The following CNTNAP2 variants were observed in gnomAD, a reference collection of about 807,000 sequenced individuals.
The protein encoded by CNTNAP2 is contactin associated protein 2.
Under a neutral mutation model 155.2 loss-of-function variants are expected in CNTNAP2, and 98 were observed. The ratio of observed to expected loss-of-function variants is 0.63; its 90% CI spans 0.54 to 0.75. The LOEUF (loss-of-function observed/expected upper bound fraction) is 0.75. Among genes scored for constraint, CNTNAP2 ranks in the 30% least tolerant of loss-of-function variants. The pLI is 0.00. For missense variants in CNTNAP2, 1,727 were observed against 1,688.1 expected (o/e 1.02, Z -0.40); for synonymous variants, 651 against 631.2 (o/e 1.03, Z -0.47).
intron 13 of CNTNAP2, among the ~76,000 whole-genome samples, chr7:147,687,378 A>T (rs1413799999): frequency 6.6e-6 from 1 of 152,146 alleles, no homozygotes; most frequent in Admixed American, 6.6e-5. Context: ...GTCTGTGAAT[A>T]TTGTGATGAA....
At chr7:147,352,457 T>G (rs1027344526) in intron 9 of CNTNAP2, among the ~76,000 whole-genome samples, 2 of 152,008 alleles carry the variant, frequency 1.3e-5, no homozygotes, top group African/African-American at 2.4e-5. Context: ...AAATGGCATA[T>G]TCAATAAAAG....
chr7:147,064,928 C>T (rs1240550345), intron 4 of CNTNAP2, among the ~76,000 whole-genome samples: 2 of 152,162 alleles, frequency 1.3e-5, no homozygotes, highest in Non-Finnish European at 2.9e-5. Flanking sequence ...ATGAAATAAG[C>T]TGATGAAAGT....
intron 17 of CNTNAP2, among the ~76,000 whole-genome samples, chr7:148,165,294 T>C (rs1805633010): frequency 6.6e-6 from 1 of 152,138 alleles, no homozygotes; most frequent in African/African-American, 2.4e-5. Flanking sequence ...ACCAGTTCTA[T>C]TGGATTAGGT....
chr7:147,638,648 G>A (rs1055013125), intron 12 of CNTNAP2, among the ~76,000 whole-genome samples: 2 of 152,064 alleles, frequency 1.3e-5, no homozygotes, highest in African/African-American at 2.4e-5. Context: ...GACAAGATGA[G>A]GATACATATT....
chr7:147,153,055 G>A (rs1223807219), intron 8 of CNTNAP2, among the ~76,000 whole-genome samples: 2 of 151,772 alleles, frequency 1.3e-5, no homozygotes, highest in African/African-American at 4.8e-5. Flanking sequence ...CATTTAGGAA[G>A]AAAATCATAA....
chr7:147,198,916 T>C, intron 8 of CNTNAP2, among the ~76,000 whole-genome samples: 1 of 150,872 alleles, frequency 6.6e-6, no homozygotes, highest in East Asian at 1.9e-4. Flanking sequence ...GAAAGAGCAA[T>C]GGCCTGGAAT....
chr7:148,302,964 G>C (rs1033261081), intron 21 of CNTNAP2, among the ~76,000 whole-genome samples: 1 of 151,662 alleles, frequency 6.6e-6, no homozygotes, highest in African/African-American at 2.4e-5. Flanking sequence ...GATTACAGGC[G>C]CCTACTACTG....
At chr7:148,053,506 G>A (rs545461777) in intron 15 of CNTNAP2, among the ~76,000 whole-genome samples, 49 of 152,196 alleles carry the variant, frequency 3.2e-4, no homozygotes, top group Middle Eastern at 6.8e-3. Context: ...TGTCAGCTAT[G>A]GCTGTGCCTA....
intron 11 of CNTNAP2, among the ~76,000 whole-genome samples, chr7:147,547,538 G>A (rs561594484): frequency 1.3e-5 from 2 of 152,208 alleles, no homozygotes; most frequent in East Asian, 3.9e-4. Context: ...CAGAACAGTA[G>A]TAACTCCTTT....
chr7:146,460,303 G>T (rs1796617798), intron 1 of CNTNAP2, among the ~76,000 whole-genome samples: 1 of 152,032 alleles, frequency 6.6e-6, no homozygotes, highest in South Asian at 2.1e-4. Flanking sequence ...TGGAGAAAAG[G>T]GAATTCTTGT....
intron 3 of CNTNAP2, among the ~76,000 whole-genome samples, chr7:146,910,651 A>T (rs1173760026): frequency 6.6e-6 from 1 of 150,552 alleles, no homozygotes; most frequent in East Asian, 1.9e-4. Context: ...TACAAAAATC[A>T]ATTCAAGATG....
chr7:147,434,204 A>G (rs533241791), intron 10 of CNTNAP2, among the ~76,000 whole-genome samples: 3 of 152,164 alleles, frequency 2.0e-5, no homozygotes, highest in Admixed American at 6.5e-5. Context: ...CTGTACCACA[A>G]TTGCTGAGAT....
At chr7:147,802,142 C>T (rs1165735170) in intron 13 of CNTNAP2, among the ~76,000 whole-genome samples, 38 of 105,610 alleles carry the variant, frequency 3.6e-4, no homozygotes, top group Non-Finnish European at 2.6e-4. Context: ...CAGACGGGGT[C>T]GCGGCCGGGC....
intron 9 of CNTNAP2, among the ~76,000 whole-genome samples, chr7:147,364,239 G>A (rs538408696): frequency 2.6e-5 from 4 of 152,152 alleles, no homozygotes; most frequent in African/African-American, 9.7e-5. Flanking sequence ...TTGGTAATAA[G>A]TATTCATTGG....
intron 3 of CNTNAP2, among the ~76,000 whole-genome samples, chr7:146,879,144 T>G (rs56007707): frequency 0.26 from 38,918 of 152,094 alleles, 5,473 homozygotes; most frequent in Admixed American, 0.37. Context: ...GTGCTGCCAT[T>G]TCATTGCCCT....
chr7:148,108,458 A>C (rs1804271289), intron 15 of CNTNAP2, among the ~76,000 whole-genome samples: 1 of 152,168 alleles, frequency 6.6e-6, no homozygotes, highest in Non-Finnish European at 1.5e-5. Flanking sequence ...TGACGAGGAC[A>C]AAAGGGCAGA....
intron 1 of CNTNAP2, among the ~76,000 whole-genome samples, chr7:146,476,900 G>C (rs6957237): frequency 6.6e-6 from 1 of 152,028 alleles, no homozygotes; most frequent in African/African-American, 2.4e-5. Context: ...ATACACTGCC[G>C]CTTCCCAAAA....
intron 13 of CNTNAP2, among the ~76,000 whole-genome samples, chr7:147,699,387 G>T (rs1356670586): frequency 1.3e-5 from 2 of 151,976 alleles, no homozygotes; most frequent in African/African-American, 4.8e-5. Context: ...ACTCATAAGT[G>T]GGAGTTGGAC....
chr7:146,582,625 G>A (rs1330304076), intron 1 of CNTNAP2, among the ~76,000 whole-genome samples: 1 of 152,086 alleles, frequency 6.6e-6, no homozygotes, highest in African/African-American at 2.4e-5. Context: ...ACTCTAGAAA[G>A]CCTTATGCAG....
Sources: gnomAD v4.1 joint callset for allele counts (sites outside exome capture counted in the v4.1 genomes callset) on GRCh38, gnomAD v4.1.1 for gene constraint, MANE v1.5 for transcripts, NCBI Gene and HGNC (gene_info 2026-07-23, HGNC 2026-07-21) for gene names.